Variants in STON1 observed in about 807,000 individuals in gnomAD.
STON1 encodes stonin 1.
Under a neutral mutation model 60.9 loss-of-function variants are expected in STON1, and 79 were observed. The ratio of observed to expected loss-of-function variants is 1.30; its 90% CI spans 1.08 to 1.56. The LOEUF (loss-of-function observed/expected upper bound fraction) is 1.56, where lower values mean the gene tolerates loss of function less well. Among genes scored for constraint, STON1 ranks in the 40% most tolerant of loss-of-function variants. STON1 has a pLI of 0.00. For missense variants in STON1, 1,166 were observed against 858.9 expected (o/e 1.36, Z -4.47); for synonymous variants, 363 against 306.9 (o/e 1.18, Z -1.91).
Position 48,578,534 on chromosome 2 carries a change from C to A in STON1, c.-47-2053C>A, listed in dbSNP as rs983265745. Reference sequence around the variant, plus strand: ...TCCTCCTTCTCCGCTTCCTCTTTCTCCTCCTTCTCCTCCTTCTCCTCCTTC... The same window carrying A: ...TCCTCCTTCTCCGCTTCCTCTTTCTACTCCTTCTCCTCCTTCTCCTCCTTC... On this transcript the variant is annotated intron_variant, in intron 1 of 3. Coordinates refer to ENST00000404752, the MANE Select transcript of STON1 (RefSeq NM_006873.4). 8.0e-5 allele frequency among the ~76,000 whole-genome samples: 3 copies of A among 37,476 alleles called. No homozygotes were observed. The South Asian group carries it at 2.4e-3, about 30-fold the overall frequency. The allele number at this position is 37,476 out of a possible 152,430, so 24.6% of individuals were successfully genotyped here. A position where few individuals can be genotyped will look rare whatever the true frequency, so the allele number is the denominator to read the frequency against.
In STON1 at chr2:48,598,109, C is replaced by T. The variant is rs1174642119; in HGVS notation, c.*2807C>T. 6.6e-6 allele frequency: 1 copy of T among 152,132 alleles called. No homozygotes were observed. The highest frequency in any genetic ancestry group is 1.5e-5 in the Non-Finnish European group (1 of 68,030). The allele number at this position is 152,132 out of a possible 1,614,324, so 9.4% of individuals were successfully genotyped here. On this transcript the variant is annotated 3_prime_UTR_variant, in exon 4 of 4. Transcript: ENST00000404752. ...CTTTCCAGTTACAGGATCATATTAACTGTGTAAATGAATTCATGGGTAGAT... is the reference window on the plus strand; with the variant it reads ...CTTTCCAGTTACAGGATCATATTAATTGTGTAAATGAATTCATGGGTAGAT...
intron 1 of STON1, among the ~76,000 whole-genome samples, chr2:48,552,092 G>A (rs1672129709): frequency 6.6e-6 from 1 of 152,222 alleles, no homozygotes; most frequent in Non-Finnish European, 1.5e-5. Flanking sequence ...ACTCCAAAAT[G>A]TTGAGGTTTT....
At chr2:48,556,911 T>A (rs9711763) in intron 1 of STON1, among the ~76,000 whole-genome samples, 1 of 6,198 alleles carries the variant, frequency 1.6e-4, no homozygotes, top group South Asian at 0.036. Flanking sequence ...CACTTCCCAG[T>A]AGGGGCGGCC....
chr2:48,532,163 C>T (rs545433043), intron 1 of STON1, among the ~76,000 whole-genome samples: 5 of 151,886 alleles, frequency 3.3e-5, no homozygotes, highest in Non-Finnish European at 7.4e-5. Context: ...GCCTGGCCAA[C>T]CTGATGAAAC....
intron 1 of STON1, among the ~76,000 whole-genome samples, chr2:48,564,605 T>TC (rs1359171030): frequency 0.013 from 775 of 61,534 alleles, 207 homozygotes; most frequent in Middle Eastern, 0.039. Flanking sequence ...TCCTCCTCCT[T>TC]CTCCTTCTCC....
intron 1 of STON1, among the ~76,000 whole-genome samples, chr2:48,558,964 C>T (rs913986416): frequency 7.9e-5 from 12 of 152,254 alleles, no homozygotes; most frequent in Admixed American, 2.6e-4. Context: ...AGGACCTTTT[C>T]GAATGCTGAC....
At chr2:48,567,351 G>A (rs1277454362) in intron 1 of STON1, among the ~76,000 whole-genome samples, 1 of 152,104 alleles carries the variant, frequency 6.6e-6, no homozygotes, top group African/African-American at 2.4e-5. Context: ...ATTCCTTTTT[G>A]TTCCAAACTT....
chr2:48,561,824 C>T (rs1341965775), intron 1 of STON1, among the ~76,000 whole-genome samples: 2 of 152,148 alleles, frequency 1.3e-5, no homozygotes, highest in African/African-American at 4.8e-5. Flanking sequence ...TTTCACCTTT[C>T]AGTCGTCAGC....
In STON1 at chr2:48,580,966, C is replaced by A; in HGVS notation, c.333C>A (p.Asp111Glu). The change falls in exon 2 of 4, where the codon GAC becomes GAA. Residue 111 changes from aspartate to glutamate, a missense_variant. Coordinates refer to ENST00000404752, the MANE Select transcript of STON1 (RefSeq NM_006873.4). ...ATCCTATTCCAGAATCATCTTCAGA[C>A]AGCCCACTCGCAATATCAGGAGGAG... ...VLYPIPESSS[D>E]SPLAISGGES... 1 of 1,583,044 alleles carries A rather than the reference C, an allele frequency of 6.3e-7. No individual in the cohort carries two copies. Among genetic ancestry groups the A allele is most frequent in the South Asian group, 1.2e-5 (1 of 84,276 alleles).
At chr2:48,577,592 A>C (rs974930179) in intron 1 of STON1, among the ~76,000 whole-genome samples, 1 of 151,474 alleles carries the variant, frequency 6.6e-6, no homozygotes, top group Non-Finnish European at 1.5e-5. Context: ...TAAAAAAAAA[A>C]AGAAAAAAAA....
Position 48,565,723 on chromosome 2 carries a change from G to A in STON1, c.-47-14864G>A, listed in dbSNP as rs116756882. ...GACTGGAGAAAGCAGGTGTTCTAAA[G>A]GCTAGAGTAGGGACAGAGGAGGAGA... On this transcript the variant is annotated intron_variant, in intron 1 of 3. Coordinates refer to ENST00000404752, the MANE Select transcript of STON1 (RefSeq NM_006873.4). Among the ~76,000 whole-genome samples, 1,122 of 152,274 alleles carry A rather than the reference G, an allele frequency of 7.4e-3. 7 individuals are homozygous for A. The highest frequency in any genetic ancestry group is 0.011 in the Non-Finnish European group (740 of 68,020).
Position 48,533,831 on chromosome 2 carries a change from G to A in STON1, c.-48+3615G>A, listed in dbSNP as rs6721913. ...GTTGCCCAGGCTGGAGTGCAATGGCGTGATCTCAGCTTATCGCAACCTCCA... is the reference window on the plus strand; with the variant it reads ...GTTGCCCAGGCTGGAGTGCAATGGCATGATCTCAGCTTATCGCAACCTCCA... On this transcript the variant is annotated intron_variant, in intron 1 of 3. Transcript: ENST00000404752. Among the ~76,000 whole-genome samples, 159 of 145,550 alleles carry A rather than the reference G, an allele frequency of 1.1e-3. 2 individuals are homozygous for A. Among genetic ancestry groups the A allele is most frequent in the Middle Eastern group, 7.4e-3 (2 of 270 alleles).
intron 1 of STON1, among the ~76,000 whole-genome samples, chr2:48,554,083 G>A (rs6705602): frequency 0.094 from 14,267 of 152,202 alleles, 942 homozygotes; most frequent in Middle Eastern, 0.2. Flanking sequence ...CACCTTAGAG[G>A]TGGTGTGAGC....
chr2:48,561,889 C>T (rs950032774), intron 1 of STON1, among the ~76,000 whole-genome samples: 3 of 152,178 alleles, frequency 2.0e-5, no homozygotes, highest in African/African-American at 4.8e-5. Context: ...GAAACAGAGT[C>T]TCACTCTGTC....
At chr2:48,575,866 C>G (rs2103889189) in intron 1 of STON1, among the ~76,000 whole-genome samples, 1 of 144,668 alleles carries the variant, frequency 6.9e-6, no homozygotes, top group Admixed American at 7.1e-5. Flanking sequence ...TCAAGCAATT[C>G]TCCTGCCTCA....
intron 1 of STON1, among the ~76,000 whole-genome samples, chr2:48,549,015 C>T (rs190331770): frequency 9.2e-5 from 14 of 152,226 alleles, no homozygotes; most frequent in Non-Finnish European, 1.6e-4. Flanking sequence ...TCAATGAGCC[C>T]GGAACCCACA....
chr2:48,560,703 G>A (rs1375086826), intron 1 of STON1, among the ~76,000 whole-genome samples: 1 of 152,204 alleles, frequency 6.6e-6, no homozygotes, highest in African/African-American at 2.4e-5. Flanking sequence ...AAACAACACA[G>A]CTCCACAGCT....
intron 3 of STON1, among the ~76,000 whole-genome samples, chr2:48,593,495 A>G (rs1021034184): frequency 1.3e-5 from 2 of 152,252 alleles, no homozygotes; most frequent in African/African-American, 4.8e-5. Context: ...TCAGTTTAGA[A>G]TGTATGTTTC....
At chr2:48,534,079 T>G (rs1273301987) in intron 1 of STON1, among the ~76,000 whole-genome samples, 1 of 152,140 alleles carries the variant, frequency 6.6e-6, no homozygotes, top group Non-Finnish European at 1.5e-5. Context: ...TGGGGTTAAT[T>G]TTTGAAAGCA....
Sources: gnomAD v4.1 joint callset for allele counts (sites outside exome capture counted in the v4.1 genomes callset) on GRCh38, gnomAD v4.1.1 for gene constraint, MANE v1.5 for transcripts, NCBI Gene and HGNC (gene_info 2026-07-23, HGNC 2026-07-21) for gene names.